Variants in WRN observed in about 807,000 individuals in gnomAD.
WRN encodes the protein bifunctional 3'-5' exonuclease/ATP-dependent helicase WRN.
A neutral mutation model predicts 180.7 loss-of-function variants in WRN; 149 were observed. The ratio of observed to expected loss-of-function variants is 0.82; its 90% CI spans 0.72 to 0.94. The LOEUF is 0.94. Ranked by LOEUF, WRN falls within the 40% of genes least tolerant of loss-of-function variation. The pLI is 0.00. For missense variants in WRN, 1,661 were observed against 1,700.1 expected, an observed-to-expected ratio of 0.98 and a Z score of 0.40; for synonymous variants, 548 against 568.9, an observed-to-expected ratio of 0.96 and a Z score of 0.52.
chr8:31,149,122 C>T (rs1039223266), intron 30 of WRN, among the ~76,000 whole-genome samples: 1 of 152,130 alleles, frequency 6.6e-6, no homozygotes, highest in African/African-American at 2.4e-5. Flanking sequence ...TCTGGCCGGG[C>T]GCTGTGGCTC....
chr8:31,171,321 A>T (rs1804092476), intron 34 of WRN: 1 of 150,506 alleles, frequency 6.6e-6, no homozygotes, highest in African/African-American at 2.5e-5. Context: ...CAAGGAACCT[A>T]AACAAATTTA....
At position 31,064,567 on chromosome 8, in the gene WRN, A is replaced by G. The variant is rs1401588578; in HGVS notation, c.355+133A>G. 2.4e-6 allele frequency: 3 copies of G among 1,254,624 alleles called. No homozygotes were observed. In the East Asian group the frequency reaches 7.3e-5, roughly 31 times the overall value. The allele number at this position is 1,254,624 out of a possible 1,614,324, so 77.7% of individuals were successfully genotyped here. Reference sequence around the variant, plus strand: ...AAATTTATTTAAGTATTTATGTTCTACCTGATTCACTCACATTCCTTGTTT... The same window carrying G: ...AAATTTATTTAAGTATTTATGTTCTGCCTGATTCACTCACATTCCTTGTTT... On this transcript the variant is annotated intron_variant, in intron 4 of 34. Coordinates refer to ENST00000298139, the MANE Select transcript of WRN (RefSeq NM_000553.6).
intron 23 of WRN, among the ~76,000 whole-genome samples, chr8:31,128,360 C>G (rs1433552800): frequency 1.3e-5 from 2 of 152,012 alleles, no homozygotes; most frequent in African/African-American, 4.8e-5. Context: ...CAGTGTATCT[C>G]AAGTATTTTT....
At chr8:31,072,103 C>T (rs1211078819) in intron 7 of WRN, among the ~76,000 whole-genome samples, 1 of 152,156 alleles carries the variant, frequency 6.6e-6, no homozygotes, top group African/African-American at 2.4e-5. Context: ...CCGAGGAACT[C>T]TTAGTGTTGA....
intron 3 of WRN, among the ~76,000 whole-genome samples, chr8:31,061,051 A>G (rs1812467423): frequency 6.6e-6 from 1 of 152,028 alleles, no homozygotes; most frequent in Non-Finnish European, 1.5e-5. Flanking sequence ...TTTTCCTCCC[A>G]TCCTGTTATT....
intron 33 of WRN, among the ~76,000 whole-genome samples, chr8:31,162,708 A>G (rs1209070663): frequency 6.6e-6 from 1 of 152,196 alleles, no homozygotes. Context: ...TTACGATGGC[A>G]TGATGTCACT....
At position 31,129,269 on chromosome 8, in the gene WRN, A is replaced by G. The variant is rs545234414; in HGVS notation, c.2826-3096A>G. On this transcript the variant is annotated intron_variant, in intron 23 of 34. Coordinates refer to ENST00000298139, the MANE Select transcript of WRN (RefSeq NM_000553.6). Reference sequence around the variant, plus strand: ...AGTGCTGGGATTATAGGCATGAGCCATCACGCTTGACTAATGTTTTTGTAA... The same window carrying G: ...AGTGCTGGGATTATAGGCATGAGCCGTCACGCTTGACTAATGTTTTTGTAA... Among the ~76,000 whole-genome samples the G allele has an allele frequency of 4.8e-4, 73 of 152,344 alleles. No homozygotes were observed. The South Asian group carries it at 0.015, about 32-fold the overall frequency.
Position 31,147,124 on chromosome 8 carries a change from C to A in WRN, c.3455C>A (p.Thr1152Asn), listed in dbSNP as rs200240557. The A allele has an allele frequency of 1.4e-5, 22 of 1,613,720 alleles. No homozygotes were observed. In the African/African-American group the frequency reaches 2.7e-4, roughly 20 times the overall value. ...GTTATTTCGGCACAAGAGCAGGAGA[C>A]TCAGGTAAGGCTTTTGTAAAAAGGT... is the stretch of plus-strand genomic sequence containing the variant. ...QPVISAQEQE[T>N]QIVLYGKLVE... The change falls in exon 29 of 35, where the codon ACT (threonine) becomes AAT (asparagine). Residue 1152 changes from threonine to asparagine, a missense_variant. Thr to Asn is a moderately conservative substitution (Grantham distance 65, BLOSUM62 0). Around this residue, in one of 3 missense-constraint regions of WRN, gnomAD observed 1,141 missense variants for 1,149.4 expected, o/e 0.99. Transcript: ENST00000298139.
rs1318762091 is a variant in WRN, at chr8:31,167,071, C to T, written c.4032C>T (p.Asp1344=). 6.2e-7 allele frequency: 1 copy of T among 1,613,254 alleles called. No individual in the cohort carries two copies. The highest frequency in any genetic ancestry group is 8.5e-7 in the Non-Finnish European group (1 of 1,179,446). Residue 1344 remains aspartate (D), a synonymous_variant, in exon 34 of 35, where the codon GAC becomes GAT. Transcript: ENST00000298139. ...LIRMLVPENI[D]TYLIHMAIEI... is the part of the protein sequence containing the mutation. The stretch of plus-strand genomic sequence containing the variant: ...GAATGTTAGTTCCTGAAAACATTGA[C>T]ACGTACCTTATCCACATGGCAATTG...
chr8:31,150,422 C>T lies in WRN; in HGVS notation c.3654C>T (p.Val1218=). The part of the protein sequence containing the change: ...KAAMLAPLLE[V]IKHFCQTNSV... ...CCATGTTGGCCCCTCTGTTGGAAGT[C>T]ATCAAACATTTCTGCCAAACAAATA... The change falls in exon 31 of 35, where the codon GTC becomes GTT. Residue 1218 remains valine (V), a synonymous_variant. Coordinates refer to ENST00000298139, the MANE Select transcript of WRN (RefSeq NM_000553.6). 1 of 1,614,088 alleles carries T rather than the reference C, an allele frequency of 6.2e-7. No individual in the cohort carries two copies. Among genetic ancestry groups the T allele is most frequent in the South Asian group, 1.1e-5 (1 of 91,072 alleles).
Position 31,091,871 on chromosome 8 carries a change from C to A in WRN, c.1871C>A (p.Ser624Ter). The A allele has an allele frequency of 6.2e-7, 1 of 1,613,176 alleles. No homozygotes were observed. Among genetic ancestry groups the A allele is most frequent in the South Asian group, 1.1e-5 (1 of 91,044 alleles). Reference protein sequence around the residue: ...IPACFLGSAQSENVLTDIKLG... With the variant: ...IPACFLGSAQ ...GCTTGCTTCCTTGGATCAGCACAGT[C>A]AGAAAATGTTCTAACAGATATTAAA... The change falls in exon 16 of 35, where the codon TCA becomes TAA. Residue 624 changes from serine (S) to a stop codon, truncating the protein, a stop_gained. Coordinates refer to ENST00000298139, the MANE Select transcript of WRN (RefSeq NM_000553.6). LOFTEE classifies it high-confidence loss of function.
In WRN at chr8:31,167,151, A is replaced by G; in HGVS notation, c.4112A>G (p.Lys1371Arg). 6.2e-7 allele frequency: 1 copy of G among 1,613,390 alleles called. No individual in the cohort carries two copies. The highest frequency in any genetic ancestry group is 1.3e-5 in the African/African-American group (1 of 75,022). Residue 1371 changes from lysine (K) to arginine (R), a missense_variant, in exon 34 of 35, where the codon AAA becomes AGA. Transcript: ENST00000298139. Reference sequence around the variant, plus strand: ...CTTCAACCTTCATGTGATGTCAACAAAAGGAGATGTTTTCCCGGTTCTGAA... The same window carrying G: ...CTTCAACCTTCATGTGATGTCAACAGAAGGAGATGTTTTCCCGGTTCTGAA... ...SGLQPSCDVN[K>R]RRCFPGSEEI...
intron 1 of WRN, among the ~76,000 whole-genome samples, chr8:31,035,613 A>C (rs1811426034): frequency 6.6e-6 from 1 of 152,108 alleles, no homozygotes; most frequent in Non-Finnish European, 1.5e-5. Context: ...GCTGTTGGAG[A>C]GTTGTTAGGG....
intron 18 of WRN, among the ~76,000 whole-genome samples, 196 bp from the exon 19 acceptor site, chr8:31,111,419 A>G (rs777630882): frequency 4.6e-5 from 7 of 152,242 alleles, no homozygotes; most frequent in African/African-American, 9.6e-5. Context: ...TGATTTTTAA[A>G]AAGTAAATAT....
At chr8:31,090,564 T>TA (rs1782698575) in intron 14 of WRN, 32 bp downstream of exon 14, 2 of 1,585,636 alleles carry the variant, frequency 1.3e-6, no homozygotes, top group Non-Finnish European at 1.7e-6. Context: ...CCTAATCCTT[T>TA]AAAAAAATAA....
At chr8:31,046,204 G>C (rs780756772) in intron 1 of WRN, among the ~76,000 whole-genome samples, 2 of 151,982 alleles carry the variant, frequency 1.3e-5, no homozygotes, top group Non-Finnish European at 2.9e-5. Flanking sequence ...TCCTTATTTT[G>C]CATCTGGTAC....
chr8:31,055,791 TCAA>T (rs1010965069), intron 1 of WRN, among the ~76,000 whole-genome samples: 3 of 152,336 alleles, frequency 2.0e-5, no homozygotes, highest in African/African-American at 7.2e-5. Context: ...TCATACATGC[TCAA>T]CGACATAGCG....
intron 16 of WRN, 45 bp from the exon 17 acceptor site, chr8:31,096,723 T>C (rs757604049): frequency 6.9e-7 from 1 of 1,441,458 alleles, no homozygotes; most frequent in South Asian, 1.2e-5. Context: ...TATGTTTCCC[T>C]TCCTGTTTTT....
intron 16 of WRN, among the ~76,000 whole-genome samples, chr8:31,094,113 C>T (rs567944316): frequency 2.6e-5 from 4 of 152,168 alleles, no homozygotes; most frequent in South Asian, 4.2e-4. Flanking sequence ...TTATATATGA[C>T]GGAGCGGAAT....
Sources: allele counts gnomAD v4.1 joint callset (sites outside exome capture counted in the v4.1 genomes callset), GRCh38; gene constraint gnomAD v4.1.1; regional missense constraint gnomAD v4.1.1; transcripts MANE v1.5; gene names NCBI Gene and HGNC (gene_info 2026-07-23, HGNC 2026-07-21).